Variants in WDR26 observed in about 807,000 individuals in gnomAD.
WDR26 encodes WD repeat-containing protein 26.
Under a neutral mutation model 84.1 loss-of-function variants are expected in WDR26, and 5 were observed. That is an observed-to-expected ratio of 0.06 (90% confidence interval 0.03 to 0.13). The LOEUF is 0.13. Ranked by LOEUF, WDR26 falls within the 10% of genes least tolerant of loss-of-function variation. The pLI is 1.00. For synonymous variants in WDR26, 415 were observed against 389.6 expected (o/e 1.07, Z -0.77); for missense variants, 642 against 974.9 (o/e 0.66, Z 4.55).
At chr1:224,413,206 A>T in intron 6 of WDR26, 5 of 786,236 alleles carry the variant, frequency 6.4e-6, no homozygotes, top group Non-Finnish European at 8.2e-6. Flanking sequence ...CAACAACAAA[A>T]ACCCCCCCCC....
intron 6 of WDR26, among the ~76,000 whole-genome samples, chr1:224,416,699 C>T (rs546883981): frequency 1.4e-4 from 21 of 152,162 alleles, no homozygotes; most frequent in African/African-American, 3.4e-4. Flanking sequence ...AAGCTCTTAA[C>T]GTACTGATAC....
At chr1:224,394,461 T>C (rs1673205445) in intron 12 of WDR26, among the ~76,000 whole-genome samples, 1 of 152,166 alleles carries the variant, frequency 6.6e-6, no homozygotes, top group Admixed American at 6.5e-5. Context: ...ATGCATATTA[T>C]TTAATCTTCA....
In WDR26 at chr1:224,433,754, T is replaced by G. The variant is rs887635852; in HGVS notation, c.652A>C (p.Lys218Gln). ...TCCTCATCTGACTGGGAGAGCCGCT[T>G]CTTCTTCTTGAGGCTGCTGCCCAGT... The change falls in exon 1 of 14, where the codon AAG (lysine) becomes CAG (glutamine). Residue 218 changes from lysine (K) to glutamine (Q), a missense_variant. By Grantham distance (53) the Lys-to-Gln change is moderately conservative. Coordinates refer to ENST00000414423, the MANE Select transcript of WDR26 (RefSeq NM_001379403.1). The G allele has an allele frequency of 3.3e-6, 5 of 1,536,330 alleles. No homozygotes were observed. Among genetic ancestry groups the G allele is most frequent in the Admixed American group, 2.0e-5 (1 of 50,930 alleles).
chr1:224,389,507 T>C lies in WDR26; in HGVS notation c.*328A>G. 2.0e-6 allele frequency: 1 copy of C among 506,558 alleles called. No individual in the cohort carries two copies. 31.4% of individuals were successfully genotyped at this position (506,558 alleles called of 1,614,324 possible). ...TCATTACACAGAAGAGCAACAAGAA[T>C]GGTATCCTGCCAGACAAAAGACAGG... On this transcript the variant is annotated 3_prime_UTR_variant, in exon 14 of 14. Transcript: ENST00000414423.
chr1:224,415,023 T>A (rs1169490774), intron 6 of WDR26, among the ~76,000 whole-genome samples: 6 of 152,178 alleles, frequency 3.9e-5, no homozygotes, highest in South Asian at 2.1e-4. Context: ...AAACTTTTTT[T>A]AATTAAAAAA....
At position 224,389,040 on chromosome 1, in the gene WDR26, C is replaced by T. The variant is rs911173088; in HGVS notation, c.*795G>A. The T allele has an allele frequency of 6.6e-6, 1 of 152,502 alleles. No homozygotes were observed. Among genetic ancestry groups the T allele is most frequent in the Non-Finnish European group, 1.5e-5 (1 of 68,006 alleles). 9.4% of individuals were successfully genotyped at this position (152,502 alleles called of 1,614,324 possible). On this transcript the variant is annotated 3_prime_UTR_variant, in exon 14 of 14. Transcript: ENST00000414423. ...TCTGACCATGTCTCATGTGGTATTC[C>T]AGAAGAGCATCAGTTATACTGTGTA...
chr1:224,426,701 A>C (rs1027502275), intron 3 of WDR26, among the ~76,000 whole-genome samples: 8 of 151,924 alleles, frequency 5.3e-5, no homozygotes, highest in Non-Finnish European at 1.0e-4. Context: ...AAAGAATTTT[A>C]TATTTGAAGT....
intron 13 of WDR26, among the ~76,000 whole-genome samples, chr1:224,391,377 A>AAC (rs1673122378): frequency 9.2e-6 from 1 of 109,022 alleles, no homozygotes; most frequent in African/African-American, 4.4e-5. Flanking sequence ...AAAAAAAAAA[A>AAC]AAAAAACAAA....
At chr1:224,399,171 G>T in intron 9 of WDR26, 137 bp from the exon 10 acceptor site, 1 of 684,974 alleles carries the variant, frequency 1.5e-6, no homozygotes, top group Non-Finnish European at 2.2e-6. Context: ...CAACCTAATT[G>T]TTCTAGAAGT....
Position 224,389,818 on chromosome 1 carries a change from C to T in WDR26, c.*17G>A, listed in dbSNP as rs563598701. 1 of 1,514,464 alleles carries T rather than the reference C, an allele frequency of 6.6e-7. No individual in the cohort carries two copies. The highest frequency in any genetic ancestry group is 1.1e-5 in the South Asian group (1 of 89,544). 93.8% of individuals were successfully genotyped at this position (1,514,464 alleles called of 1,614,324 possible). Reference sequence around the variant, plus strand: ...TAATTTTAAGTTAAACAGAAGTCGTCTGCTCCAAATTCACCATCAACTATC... The same window carrying T: ...TAATTTTAAGTTAAACAGAAGTCGTTTGCTCCAAATTCACCATCAACTATC... On this transcript the variant is annotated 3_prime_UTR_variant, in exon 14 of 14. Transcript: ENST00000414423.
chr1:224,418,330 G>A lies in WDR26; in HGVS notation c.1249C>T (p.Leu417=). The change falls in exon 6 of 14, where the codon CTA becomes TTA. Residue 417 remains leucine (L), a synonymous_variant. Coordinates refer to ENST00000414423, the MANE Select transcript of WDR26 (RefSeq NM_001379403.1). ...TTATCAAGTTTGGTATTGTGATATA[G>A]GCACCGATCCCTTTGTAGTTCCACC... is the stretch of plus-strand genomic sequence containing the variant. The A allele has an allele frequency of 6.2e-7, 1 of 1,613,670 alleles. No individual in the cohort carries two copies. Among genetic ancestry groups the A allele is most frequent in the East Asian group, 2.2e-5 (1 of 44,858 alleles).
intron 12 of WDR26, 52 bp downstream of exon 12, chr1:224,398,045 G>T: frequency 1.9e-6 from 3 of 1,580,528 alleles, no homozygotes; most frequent in Non-Finnish European, 2.6e-6. Context: ...CATAAATTGA[G>T]ATTTACAGAC....
intron 6 of WDR26, among the ~76,000 whole-genome samples, chr1:224,415,007 G>T (rs1462722589): frequency 3.3e-5 from 5 of 152,080 alleles, no homozygotes; most frequent in African/African-American, 9.7e-5. Flanking sequence ...ATCATGTGTT[G>T]AATAAAAACT....
intron 4 of WDR26, among the ~76,000 whole-genome samples, chr1:224,423,511 C>T (rs771999418): frequency 5.3e-5 from 8 of 152,028 alleles, no homozygotes; most frequent in Non-Finnish European, 8.8e-5. Flanking sequence ...CTTGGGAGGC[C>T]GAAGCAGGTG....
Position 224,434,636 on chromosome 1 carries a change from G to A in WDR26, c.-231C>T. The A allele has an allele frequency of 3.1e-6, 2 of 644,492 alleles. No homozygotes were observed. The highest frequency in any genetic ancestry group is 6.6e-5 in the South Asian group (1 of 15,232). 39.9% of individuals were successfully genotyped at this position (644,492 alleles called of 1,614,324 possible). A position where few individuals can be genotyped will look rare whatever the true frequency, so the allele number is the denominator to read the frequency against. ...GGGGGTCGCGCCGGGGGGCGCCGCG[G>A]GGCGGCTGCGGGGGCGCGGGGCCCG... On this transcript the variant is annotated 5_prime_UTR_variant, in exon 1 of 14. Transcript: ENST00000414423.
At position 224,389,146 on chromosome 1, in the gene WDR26, ACTT is replaced by A. The variant is rs972150935; in HGVS notation, c.*686_*688del. The A allele has an allele frequency of 1.3e-5, 2 of 152,820 alleles. No individual in the cohort carries two copies. The highest frequency in any genetic ancestry group is 1.9e-4 in the East Asian group (1 of 5,194). 9.5% of individuals were successfully genotyped at this position (152,820 alleles called of 1,614,324 possible). A position where few individuals can be genotyped will look rare whatever the true frequency, so the allele number is the denominator to read the frequency against. On this transcript the variant is annotated 3_prime_UTR_variant, in exon 14 of 14. Coordinates refer to ENST00000414423, the MANE Select transcript of WDR26 (RefSeq NM_001379403.1). ...ATGAAGTCACTTTAATCCTATAAAT[ACTT>A]CTTAATTTATTTTTAAAAAATTGTG... is the stretch of plus-strand genomic sequence containing the variant.
At chr1:224,392,520 A>G (rs1339893304) in intron 13 of WDR26, among the ~76,000 whole-genome samples, 1 of 152,252 alleles carries the variant, frequency 6.6e-6, no homozygotes, top group Non-Finnish European at 1.5e-5. Flanking sequence ...TTGCAGATCT[A>G]TAAAGACTTT....
chr1:224,426,868 G>A (rs376662230), intron 3 of WDR26, among the ~76,000 whole-genome samples: 212 of 151,460 alleles, frequency 1.4e-3, no homozygotes, highest in African/African-American at 4.8e-3. Context: ...AGGCTGAGGC[G>A]GGTGGATCAC....
intron 3 of WDR26, among the ~76,000 whole-genome samples, chr1:224,428,620 G>A (rs770581666): frequency 2.6e-5 from 4 of 152,048 alleles, no homozygotes; most frequent in Non-Finnish European, 5.9e-5. Flanking sequence ...GATTTGGCCC[G>A]GCACGGTGGC....
Sources: allele counts gnomAD v4.1 joint callset (sites outside exome capture counted in the v4.1 genomes callset), GRCh38; gene constraint gnomAD v4.1.1; transcripts MANE v1.5; gene names NCBI Gene and HGNC (gene_info 2026-07-23, HGNC 2026-07-21).